Variants in KDM6A observed in about 807,000 individuals in gnomAD.
KDM6A encodes the protein lysine-specific demethylase 6A.
In KDM6A, 11 loss-of-function variants were observed where a neutral mutation model predicts 117.6. That is an observed-to-expected ratio of 0.09 (90% CI 0.06 to 0.15). The LOEUF (loss-of-function observed/expected upper bound fraction) is 0.15, where lower values mean the gene tolerates loss of function less well. Among genes scored for constraint, KDM6A ranks in the 10% least tolerant of loss-of-function variants. The pLI is 1.00. For synonymous variants in KDM6A, 384 were observed against 396.1 expected, an observed-to-expected ratio of 0.97 and a Z score of 0.36; for missense variants, 799 against 1,077.3, an observed-to-expected ratio of 0.74 and a Z score of 3.62.
intron 2 of KDM6A, among the ~76,000 whole-genome samples, chrX:44,920,790 A>G (rs1369449542): frequency 9.1e-6 from 1 of 110,320 alleles, no homozygotes; most frequent in African/African-American, 3.3e-5. Flanking sequence ...GTAGGGAGCA[A>G]GCATATAGTT....
chrX:44,880,747 G>A (rs1464507311), intron 2 of KDM6A, among the ~76,000 whole-genome samples: 1 of 110,198 alleles, frequency 9.1e-6, no homozygotes, highest in African/African-American at 3.3e-5. Flanking sequence ...AGCCGAGATC[G>A]CGCCACTGCA....
At chrX:44,911,587 C>T (rs1364766500) in intron 2 of KDM6A, among the ~76,000 whole-genome samples, 6 of 111,206 alleles carry the variant, frequency 5.4e-5, no homozygotes, top group Admixed American at 2.8e-4. Context: ...AGACGATGGG[C>T]GGCCAGGGAG....
At position 45,024,585 on chromosome X, in the gene KDM6A, A is replaced by G. The variant is rs906863901; in HGVS notation, c.564+3855A>G. ...GTTTGCGAACATTTTCTCCCACTCT[A>G]TTGGTTATCTGATTACTCTGCTGAT... On this transcript the variant is annotated intron_variant, in intron 6 of 29. Transcript: ENST00000611820. Among the ~76,000 whole-genome samples, 6 of 110,227 alleles carry G rather than the reference A, an allele frequency of 5.4e-5. No individual in the cohort carries two copies. The East Asian group carries it at 1.7e-3, about 31-fold the overall frequency.
chrX:44,923,994 A>G (rs2036147793), intron 2 of KDM6A, among the ~76,000 whole-genome samples: 1 of 112,142 alleles, frequency 8.9e-6, no homozygotes, highest in African/African-American at 3.2e-5. Flanking sequence ...AAGTGCTGGG[A>G]TTACAGGCAT....
At chrX:44,933,739 G>A (rs901465062) in intron 2 of KDM6A, among the ~76,000 whole-genome samples, 5 of 109,407 alleles carry the variant, frequency 4.6e-5, no homozygotes, top group African/African-American at 1.7e-4. Context: ...CACCATGCCT[G>A]GCTAATTCTG....
chrX:45,074,633 T>C (rs1206613503), intron 18 of KDM6A, among the ~76,000 whole-genome samples: 2 of 111,735 alleles, frequency 1.8e-5, no homozygotes, highest in Admixed American at 9.5e-5. Context: ...GTTAAAGTGC[T>C]GGTTATTTTT....
chrX:44,957,034 G>T (rs2038372506), intron 2 of KDM6A, among the ~76,000 whole-genome samples: 1 of 110,561 alleles, frequency 9.0e-6, no homozygotes, highest in Non-Finnish European at 1.9e-5. Flanking sequence ...GGAGGCTGAG[G>T]CAGGAGAATC....
intron 4 of KDM6A, among the ~76,000 whole-genome samples, chrX:45,010,289 C>T (rs2041693834): frequency 9.3e-6 from 1 of 107,959 alleles, no homozygotes; most frequent in East Asian, 2.9e-4. Context: ...GAGCTGTGAT[C>T]GCGTTGGGGT....
chrX:45,065,310 AAG>A (rs2044481663), intron 17 of KDM6A, among the ~76,000 whole-genome samples: 2 of 111,778 alleles, frequency 1.8e-5, no homozygotes, highest in Admixed American at 1.9e-4. Context: ...AAGGAGTGAG[AAG>A]AGAGAGAAAT....
At chrX:45,063,871 G>T (rs1284227927) in intron 17 of KDM6A, 54 bp downstream of exon 17, 1 of 1,060,457 alleles carries the variant, frequency 9.4e-7, no homozygotes, top group Non-Finnish European at 1.3e-6. Context: ...TTTTTACTGG[G>T]TTTTATACAC....
At chrX:45,075,596 T>G (rs1161441724) in intron 18 of KDM6A, among the ~76,000 whole-genome samples, 2 of 111,551 alleles carry the variant, frequency 1.8e-5, no homozygotes, top group African/African-American at 3.2e-5. Flanking sequence ...ATTAAGAAAG[T>G]AACACCCATG....
At chrX:44,876,638 G>A (rs866343745) in intron 2 of KDM6A, among the ~76,000 whole-genome samples, 1 of 15,448 alleles carries the variant, frequency 6.5e-5, no homozygotes, top group Non-Finnish European at 1.3e-4. Flanking sequence ...CAACCCCCCG[G>A]CCCCAATTTA....
chrX:45,050,036 A>G (rs1444643743), intron 8 of KDM6A, among the ~76,000 whole-genome samples: 1 of 112,795 alleles, frequency 8.9e-6, no homozygotes, highest in Non-Finnish European at 1.9e-5. Flanking sequence ...GATAAGTAAA[A>G]GTTGATTTAA....
chrX:45,035,111 G>A (rs748970115), intron 7 of KDM6A, 126 bp downstream of exon 7: 19 of 576,461 alleles, frequency 3.3e-5, no homozygotes, highest in Non-Finnish European at 5.5e-5. Flanking sequence ...AACTGTATTG[G>A]TTGCCATGGC....
At chrX:44,966,298 C>T (rs1221354689) in intron 3 of KDM6A, among the ~76,000 whole-genome samples, 2 of 109,757 alleles carry the variant, frequency 1.8e-5, no homozygotes, top group African/African-American at 3.3e-5. Flanking sequence ...CGCGCCACCA[C>T]GCCTAACTAT....
At chrX:45,047,622 A>T (rs368301462) in intron 8 of KDM6A, among the ~76,000 whole-genome samples, 3 of 57,480 alleles carry the variant, frequency 5.2e-5, no homozygotes, top group African/African-American at 1.0e-4. Context: ...ATTCATTAGG[A>T]TTATGTTTTT....
At chrX:45,011,453 C>A (rs767361633) in intron 5 of KDM6A, among the ~76,000 whole-genome samples, 1 of 111,473 alleles carries the variant, frequency 9.0e-6, no homozygotes, top group East Asian at 2.8e-4. Flanking sequence ...CTAGCACTTT[C>A]CAATATCCAG....
intron 3 of KDM6A, among the ~76,000 whole-genome samples, chrX:44,972,559 C>T (rs1333688406): frequency 9.0e-6 from 1 of 111,453 alleles, no homozygotes; most frequent in East Asian, 2.8e-4. Flanking sequence ...GAGATTTTAG[C>T]GTTATAATGT....
At chrX:44,917,670 A>G (rs2035646079) in intron 2 of KDM6A, among the ~76,000 whole-genome samples, 1 of 111,835 alleles carries the variant, frequency 8.9e-6, no homozygotes, top group African/African-American at 3.2e-5. Flanking sequence ...GGCAGAAGAA[A>G]TAGTATAGTA....
Sources: allele counts gnomAD v4.1 joint callset (sites outside exome capture counted in the v4.1 genomes callset), GRCh38; gene constraint gnomAD v4.1.1; transcripts MANE v1.5; gene names NCBI Gene and HGNC (gene_info 2026-07-23, HGNC 2026-07-21).